Variants in ARHGEF10L observed in about 807,000 individuals in gnomAD.
The protein encoded by ARHGEF10L is Rho guanine nucleotide exchange factor 10 like, also known as rho guanine nucleotide exchange factor 10-like protein.
In ARHGEF10L, 69 loss-of-function variants were observed where a neutral mutation model predicts 141.2. The ratio of observed to expected loss-of-function variants is 0.49; its 90% CI spans 0.40 to 0.60. ARHGEF10L has a LOEUF of 0.60. Among genes scored for constraint, ARHGEF10L ranks in the 20% least tolerant of loss-of-function variants. The pLI, the probability that ARHGEF10L is intolerant of heterozygous loss-of-function variation, is 0.00. For synonymous variants in ARHGEF10L, 711 were observed against 718.5 expected (o/e 0.99, Z 0.17); for missense variants, 1,482 against 1,734.3 (o/e 0.85, Z 2.58).
At position 17,575,802 on chromosome 1, in the gene ARHGEF10L, C is replaced by T. The variant is rs182622287; in HGVS notation, c.-43-4751C>T. Reference sequence around the variant, plus strand: ...AGAGACCTCTCAGAGAACACAGGTACGTGGAGGAGTTCTGGTCCTGACCAG... The same window carrying T: ...AGAGACCTCTCAGAGAACACAGGTATGTGGAGGAGTTCTGGTCCTGACCAG... On this transcript the variant is annotated intron_variant, in intron 1 of 28. Coordinates refer to ENST00000361221, the MANE Select transcript of ARHGEF10L (RefSeq NM_018125.4). Among the ~76,000 whole-genome samples, 27 of 152,340 alleles carry T rather than the reference C, an allele frequency of 1.8e-4. No individual in the cohort carries two copies. In the East Asian group the frequency reaches 4.8e-3, roughly 27 times the overall value.
intron 26 of ARHGEF10L, among the ~76,000 whole-genome samples, chr1:17,676,228 A>T (rs1375422216): frequency 6.3e-5 from 6 of 95,956 alleles, no homozygotes; most frequent in East Asian, 3.6e-4. Context: ...GTACAGGTGT[A>T]TGTTCATGTG....
chr1:17,692,074 T>A (rs1282431856), intron 27 of ARHGEF10L, among the ~76,000 whole-genome samples: 2 of 152,220 alleles, frequency 1.3e-5, no homozygotes, highest in Non-Finnish European at 2.9e-5. Context: ...CCTCCCATGT[T>A]GGCCAACTCC....
chr1:17,634,295 C>T, intron 16 of ARHGEF10L: 1 of 640,174 alleles, frequency 1.6e-6, no homozygotes, highest in Middle Eastern at 3.6e-4. Flanking sequence ...AGTCACTTCA[C>T]TTGACTGAGG....
In ARHGEF10L at chr1:17,697,393, C is replaced by G. The variant is rs2102636071; in HGVS notation, c.*13C>G. The G allele has an allele frequency of 6.4e-7, 1 of 1,571,528 alleles. No homozygotes were observed. The highest frequency in any genetic ancestry group is 1.2e-5 in the South Asian group (1 of 84,376). ...CTTGATGCTATAGCGCCTCCCCTCT[C>G]CCCTCAGAGGGCACAGCTGCAGGCC... On this transcript the variant is annotated 3_prime_UTR_variant, in exon 29 of 29. Transcript: ENST00000361221. This position sits in a 1 kb window ranked among gnomAD's most constrained non-coding sequence, Gnocchi z 4.8.
chr1:17,651,230 T>A (rs1471019777), intron 22 of ARHGEF10L, among the ~76,000 whole-genome samples: 4 of 152,230 alleles, frequency 2.6e-5, no homozygotes, highest in African/African-American at 9.6e-5. Context: ...ATCACCCTAG[T>A]CCTGGCCCTG....
chr1:17,595,220 CTTTTTTTTTTTT>C (rs58475060), intron 4 of ARHGEF10L, among the ~76,000 whole-genome samples: 2,558 of 106,216 alleles, frequency 0.024, 90 homozygotes, highest in African/African-American at 0.087. Flanking sequence ...CGTGGCTCAC[CTTTTTTTTTTTT>C]TTTTTTTTTT....
At chr1:17,530,941 G>C in the ARHGEF10L span, among the ~76,000 whole-genome samples, 1 of 151,740 alleles carries the variant, frequency 6.6e-6, no homozygotes, top group East Asian at 1.9e-4. Context: ...GGAGGCAGAG[G>C]TTGCAATGAG....
intron 7 of ARHGEF10L, among the ~76,000 whole-genome samples, chr1:17,610,378 C>G (rs974434412): frequency 6.6e-6 from 1 of 152,172 alleles, no homozygotes; most frequent in Non-Finnish European, 1.5e-5. Flanking sequence ...CTCACACTCT[C>G]AGGCTGGGGG....
intron 7 of ARHGEF10L, among the ~76,000 whole-genome samples, chr1:17,610,035 T>C (rs2059462825): frequency 6.6e-6 from 1 of 152,178 alleles, no homozygotes; most frequent in African/African-American, 2.4e-5. Flanking sequence ...CTCTCCCATG[T>C]TGTCCCCGGC....
At chr1:17,513,457 C>T in the ARHGEF10L span, among the ~76,000 whole-genome samples, 1 of 152,300 alleles carries the variant, frequency 6.6e-6, no homozygotes. Context: ...GGCATTCATT[C>T]TCCAAGGGTC....
intron 1 of ARHGEF10L, among the ~76,000 whole-genome samples, chr1:17,569,405 T>TG (rs1417381655): frequency 3.9e-5 from 6 of 152,184 alleles, no homozygotes; most frequent in African/African-American, 1.2e-4. Context: ...CCGGGGGTCC[T>TG]GGGGCTCCAT....
intron 1 of ARHGEF10L, among the ~76,000 whole-genome samples, chr1:17,575,753 T>G (rs968427612): frequency 6.6e-6 from 1 of 152,152 alleles, no homozygotes; most frequent in Non-Finnish European, 1.5e-5. Flanking sequence ...GCCTAGCGTG[T>G]GTCTAATGAG....
chr1:17,687,585 G>T lies in ARHGEF10L; in HGVS notation c.3022G>T (p.Ala1008Ser). 1 of 1,612,982 alleles carries T rather than the reference G, an allele frequency of 6.2e-7. No homozygotes were observed. The highest frequency in any genetic ancestry group is 8.5e-7 in the Non-Finnish European group (1 of 1,179,928). Residue 1008 changes from alanine to serine, a missense_variant, in exon 27 of 29, where the codon GCG (alanine) becomes TCG (serine). Ala to Ser is a moderately conservative substitution (Grantham distance 99). This residue lies in a region of ARHGEF10L where 858 missense variants were observed against 966.3 expected (regional missense o/e 0.89). Coordinates refer to ENST00000361221, the MANE Select transcript of ARHGEF10L (RefSeq NM_018125.4). ...TTLQPQQSFE[A>S]HQDEAVSVTH... ...CTTTGTGCCACAGCAAAGCTTCGAG[G>T]CGCACCAGGACGAGGCAGTGAGCGT...
At chr1:17,648,930 C>T (rs2061750482) in intron 22 of ARHGEF10L, among the ~76,000 whole-genome samples, 1 of 152,240 alleles carries the variant, frequency 6.6e-6, no homozygotes, top group South Asian at 2.1e-4. Context: ...AGATAATAAA[C>T]AGCAATGATC....
At chr1:17,618,370 C>T (rs988860337) in intron 9 of ARHGEF10L, 35 of 1,540,718 alleles carry the variant, frequency 2.3e-5, no homozygotes, top group African/African-American at 2.8e-5. Flanking sequence ...CCCAGCAGCT[C>T]GTGGGGGAAG....
the ARHGEF10L span, among the ~76,000 whole-genome samples, chr1:17,517,148 G>T: frequency 6.6e-6 from 1 of 152,096 alleles, no homozygotes; most frequent in Admixed American, 6.6e-5. Flanking sequence ...TGGGTAACCA[G>T]GTGAGCCAGA....
Position 17,625,023 on chromosome 1 carries a change from G to A in ARHGEF10L, c.1317+520G>A, listed in dbSNP as rs1287279079. ...GTGAGTCAGAGCCCCTGCCTGTAGG[G>A]AGCCTGCTGGCTGGCAGAGGATGCA... On this transcript the variant is annotated intron_variant, in intron 13 of 28. Coordinates refer to ENST00000361221, the MANE Select transcript of ARHGEF10L (RefSeq NM_018125.4). The surrounding 1 kb of genome is among the most constrained non-coding windows in gnomAD (Gnocchi z 4.5). Among the ~76,000 whole-genome samples, 4 of 152,214 alleles carry A rather than the reference G, an allele frequency of 2.6e-5. No individual in the cohort carries two copies.
chr1:17,519,985 G>A, the ARHGEF10L span, among the ~76,000 whole-genome samples: 6 of 152,212 alleles, frequency 3.9e-5, no homozygotes, highest in Admixed American at 3.3e-4. Context: ...TAAAAGGGGT[G>A]CAGCCCATGG....
intron 16 of ARHGEF10L, among the ~76,000 whole-genome samples, chr1:17,633,490 T>G (rs1470834226): frequency 6.6e-6 from 1 of 152,100 alleles, no homozygotes; most frequent in African/African-American, 2.4e-5. Context: ...ATTATAGGCA[T>G]GTGCCACCAC....
Sources: allele counts gnomAD v4.1 joint callset (sites outside exome capture counted in the v4.1 genomes callset), GRCh38; gene constraint gnomAD v4.1.1; regional missense constraint gnomAD v4.1.1; non-coding constraint Gnocchi (gnomAD v3.1); transcripts MANE v1.5; gene names NCBI Gene and HGNC (gene_info 2026-07-23, HGNC 2026-07-21).